The following POLA1 variants were observed in gnomAD, a reference collection of about 807,000 sequenced individuals.
POLA1 encodes the protein DNA polymerase alpha catalytic subunit.
A neutral mutation model predicts 124.0 loss-of-function variants in POLA1; 15 were observed. The ratio of observed to expected loss-of-function variants is 0.12; its 90% CI spans 0.08 to 0.19. The LOEUF (loss-of-function observed/expected upper bound fraction) is 0.19. Among genes scored for constraint, POLA1 ranks in the 10% least tolerant of loss-of-function variants. POLA1 has a pLI of 1.00. For synonymous variants in POLA1, 408 were observed against 389.4 expected (o/e 1.05, Z -0.56); for missense variants, 886 against 1,103.4 (o/e 0.80, Z 2.79).
intron 34 of POLA1, among the ~76,000 whole-genome samples, chrX:24,877,601 A>G (rs777635556): frequency 1.8e-5 from 2 of 112,019 alleles, no homozygotes; most frequent in South Asian, 7.5e-4. Flanking sequence ...TGTCACCATG[A>G]TGATTTGTGC....
intron 32 of POLA1, among the ~76,000 whole-genome samples, chrX:24,831,580 C>G (rs1482613650): frequency 9.1e-6 from 1 of 109,877 alleles, no homozygotes; most frequent in African/African-American, 3.3e-5. Context: ...GCCACCACAC[C>G]TGGCTAATTT....
chrX:24,873,267 A>T (rs1193638740), intron 34 of POLA1, among the ~76,000 whole-genome samples: 1 of 111,881 alleles, frequency 8.9e-6, no homozygotes, highest in African/African-American at 3.2e-5. Context: ...GTTGGTGGGC[A>T]TGAAAAATGG....
At chrX:24,702,937 C>G (rs987908527) in intron 2 of POLA1, among the ~76,000 whole-genome samples, 5 of 112,008 alleles carry the variant, frequency 4.5e-5, no homozygotes, top group African/African-American at 1.6e-4. Flanking sequence ...CCCAAAGCAG[C>G]TAATGAAGAA....
At chrX:24,968,572 G>A (rs1433287000) in intron 36 of POLA1, among the ~76,000 whole-genome samples, 4 of 109,629 alleles carry the variant, frequency 3.6e-5, no homozygotes, top group Admixed American at 9.7e-5. Context: ...GCGTGGTGGC[G>A]GGTGCCTGTA....
intron 2 of POLA1, among the ~76,000 whole-genome samples, chrX:24,701,090 C>T (rs763192971): frequency 2.1e-4 from 23 of 111,574 alleles, no homozygotes; most frequent in Non-Finnish European, 3.4e-4. Context: ...AAAATAATAA[C>T]GCCAGTTCCC....
At chrX:24,735,318 C>T (rs1217194595) in intron 17 of POLA1, 81 bp from the exon 18 acceptor site, 2 of 564,603 alleles carry the variant, frequency 3.5e-6, no homozygotes, top group Non-Finnish European at 6.1e-6. Flanking sequence ...AGAAATCTTA[C>T]CATAGTTGAA....
At chrX:24,906,847 A>G (rs1177605066) in intron 35 of POLA1, among the ~76,000 whole-genome samples, 1 of 111,740 alleles carries the variant, frequency 8.9e-6, no homozygotes, top group Admixed American at 9.5e-5. Flanking sequence ...TAGAATGGAG[A>G]CGACAGGAGA....
chrX:24,859,288 C>T (rs1205130188), intron 34 of POLA1, among the ~76,000 whole-genome samples: 2 of 111,664 alleles, frequency 1.8e-5, no homozygotes, highest in African/African-American at 6.5e-5. Flanking sequence ...GATTTGGGAG[C>T]ACTGCATTAG....
intron 26 of POLA1, among the ~76,000 whole-genome samples, chrX:24,760,754 A>C (rs1932781846): frequency 2.7e-5 from 3 of 111,769 alleles, no homozygotes; most frequent in Admixed American, 1.9e-4. Flanking sequence ...CAATGAACTG[A>C]GATTGGTAAG....
At chrX:24,741,222 C>T (rs1367592519) in intron 20 of POLA1, among the ~76,000 whole-genome samples, 153 bp from the exon 21 acceptor site, 2 of 109,345 alleles carry the variant, frequency 1.8e-5, no homozygotes, top group African/African-American at 6.7e-5. Context: ...TAGTTACATA[C>T]TGACCTTATT....
chrX:24,811,718 G>T (rs1251934138), intron 28 of POLA1, among the ~76,000 whole-genome samples: 1 of 106,455 alleles, frequency 9.4e-6, no homozygotes, highest in Non-Finnish European at 1.9e-5. Flanking sequence ...TGTTTAAGAT[G>T]TGTTCACGTT....
At chrX:24,852,427 C>G (rs1014962183) in intron 34 of POLA1, among the ~76,000 whole-genome samples, 2 of 110,524 alleles carry the variant, frequency 1.8e-5, no homozygotes, top group African/African-American at 6.6e-5. Flanking sequence ...TCTCCTGTCT[C>G]AGCCTCCCAA....
At position 24,884,160 on chromosome X, in the gene POLA1, T is replaced by A. The variant is rs779126237; in HGVS notation, c.4048-3846T>A. On this transcript the variant is annotated intron_variant, in intron 34 of 36. Coordinates refer to ENST00000379068, the MANE Select transcript of POLA1 (RefSeq NM_001330360.2). ...ATTTATTTATTTTTATTAAAAAAAA[T>A]TTTTTTGAGACAGGATCTCACTCTG... Among the ~76,000 whole-genome samples, 7 of 111,459 alleles carry A rather than the reference T, an allele frequency of 6.3e-5. No individual in the cohort carries two copies. The South Asian group carries it at 1.1e-3, about 18-fold the overall frequency.
Position 24,849,628 on chromosome X carries a change from ATT to A in POLA1, c.4047+5970_4047+5971del, listed in dbSNP as rs34478463. 9.3e-3 allele frequency among the ~76,000 whole-genome samples: 732 copies of A among 79,061 alleles called. 7 individuals are homozygous for A. The highest frequency in any genetic ancestry group is 0.014 in the Middle Eastern group (2 of 147). 68.7% of individuals were successfully genotyped at this position (79,061 alleles called of 115,157 possible). A position where few individuals can be genotyped will look rare whatever the true frequency, so the allele number is the denominator to read the frequency against. Reference sequence around the variant, plus strand: ...AGGCACATACTACCATGCCCAGCTAATTTTTTTTTTTTTTTTTTTTCGAGACG... The same window carrying A: ...AGGCACATACTACCATGCCCAGCTAATTTTTTTTTTTTTTTTTTCGAGACG... On this transcript the variant is annotated intron_variant, in intron 34 of 36. Transcript: ENST00000379068.
intron 26 of POLA1, among the ~76,000 whole-genome samples, chrX:24,754,822 A>G (rs1932517022): frequency 9.0e-6 from 1 of 110,725 alleles, no homozygotes; most frequent in Non-Finnish European, 1.9e-5. Context: ...CAGGAGAAAA[A>G]CTCTACTCTG....
intron 7 of POLA1, 59 bp from the exon 8 acceptor site, chrX:24,716,825 A>G (rs1602271243): frequency 5.9e-6 from 4 of 674,582 alleles, no homozygotes; most frequent in Non-Finnish European, 7.1e-6. Flanking sequence ...TCAGGGTAGG[A>G]CAGTTGCATA....
In POLA1 at chrX:24,873,950, A is replaced by G. The variant is rs1425841881; in HGVS notation, c.4048-14056A>G. ...TATTTTACACTTGCAGCCCATCTCA[A>G]TTTGGTCTAGCCATATTTCAAGTGC... is the stretch of plus-strand genomic sequence containing the variant. On this transcript the variant is annotated intron_variant, in intron 34 of 36. Coordinates refer to ENST00000379068, the MANE Select transcript of POLA1 (RefSeq NM_001330360.2). Among the ~76,000 whole-genome samples the G allele has an allele frequency of 3.6e-5, 4 of 111,866 alleles. No individual in the cohort carries two copies. The Admixed American group carries it at 3.8e-4, about 11-fold the overall frequency.
chrX:24,950,802 C>G (rs973120471), intron 36 of POLA1, among the ~76,000 whole-genome samples: 1 of 111,767 alleles, frequency 8.9e-6, no homozygotes, highest in African/African-American at 3.3e-5. Flanking sequence ...ATCTCCTTCC[C>G]TGGTGTTTTT....
At chrX:24,817,522 C>T (rs953181423) in intron 30 of POLA1, among the ~76,000 whole-genome samples, 2 of 105,222 alleles carry the variant, frequency 1.9e-5, no homozygotes, top group Non-Finnish European at 3.9e-5. Context: ...GCAGGAGAAT[C>T]GCTTGAACCC....
Sources: gnomAD v4.1 joint callset for allele counts (sites outside exome capture counted in the v4.1 genomes callset) on GRCh38, gnomAD v4.1.1 for gene constraint, MANE v1.5 for transcripts, NCBI Gene and HGNC (gene_info 2026-07-23, HGNC 2026-07-21) for gene names.